Variants in KLHL32 observed in about 807,000 individuals in gnomAD.
KLHL32 encodes kelch-like protein 32.
Under a neutral mutation model 64.8 loss-of-function variants are expected in KLHL32, and 35 were observed. The ratio of observed to expected loss-of-function variants is 0.54; its 90% CI spans 0.41 to 0.72. KLHL32 has a LOEUF of 0.72. Ranked by LOEUF, KLHL32 falls within the 30% of genes least tolerant of loss-of-function variation. KLHL32 has a pLI of 0.00. For missense variants in KLHL32, 589 were observed against 768.5 expected (o/e 0.77, Z 2.76); for synonymous variants, 259 against 281.0 (o/e 0.92, Z 0.78).
intron 3 of KLHL32, among the ~76,000 whole-genome samples, chr6:96,997,380 C>T (rs916530192): frequency 6.6e-6 from 1 of 152,198 alleles, no homozygotes; most frequent in African/African-American, 2.4e-5. Flanking sequence ...AGAATTTATC[C>T]CCTAAAACAC....
intron 7 of KLHL32, among the ~76,000 whole-genome samples, chr6:97,116,585 A>G (rs1481670509): frequency 1.3e-5 from 2 of 152,212 alleles, no homozygotes; most frequent in African/African-American, 4.8e-5. Context: ...ATATTTTAAT[A>G]AATATTCCTT....
chr6:97,021,360 C>T (rs544350907), intron 3 of KLHL32, among the ~76,000 whole-genome samples: 1 of 150,802 alleles, frequency 6.6e-6, no homozygotes, highest in African/African-American at 2.5e-5. Context: ...CCAGGAGAGC[C>T]GATGATGTAG....
At chr6:97,027,858 C>T (rs75660924) in intron 3 of KLHL32, among the ~76,000 whole-genome samples, 4,908 of 152,196 alleles carry the variant, frequency 0.032, 239 homozygotes, top group African/African-American at 0.11. Flanking sequence ...AGATTAGATA[C>T]TATTTCCAGT....
At chr6:97,104,352 C>A (rs1379207935) in intron 6 of KLHL32, among the ~76,000 whole-genome samples, 3 of 152,110 alleles carry the variant, frequency 2.0e-5, no homozygotes, top group Non-Finnish European at 4.4e-5. Context: ...GTTGCAAGGG[C>A]TTTTCGCTTT....
intron 3 of KLHL32, among the ~76,000 whole-genome samples, chr6:96,984,223 G>C (rs1049694126): frequency 6.6e-6 from 1 of 152,220 alleles, no homozygotes; most frequent in Admixed American, 6.5e-5. Context: ...GTTCTAGTTT[G>C]ATTGCACTGT....
chr6:97,120,726 T>A (rs554158734), intron 7 of KLHL32, among the ~76,000 whole-genome samples: 8 of 152,250 alleles, frequency 5.3e-5, no homozygotes, highest in African/African-American at 1.7e-4. Context: ...GCGGCCATGA[T>A]GTGAGGAAGC....
chr6:96,981,433 A>AT lies in KLHL32; in HGVS notation c.204+5260dup, dbSNP rs200499204. ...TTCATTTCTGATTGCATTTATTTGGATTTTCTGTCTTTCTTTTATTAGTCT... is the reference window on the plus strand; with the variant it reads ...TTCATTTCTGATTGCATTTATTTGGATTTTTCTGTCTTTCTTTTATTAGTCT... On this transcript the variant is annotated intron_variant, in intron 3 of 10. Coordinates refer to ENST00000369261, the MANE Select transcript of KLHL32 (RefSeq NM_052904.4). 9.7e-3 allele frequency among the ~76,000 whole-genome samples: 1,458 copies of AT among 150,624 alleles called. 11 individuals are homozygous for AT. Among genetic ancestry groups the AT allele is most frequent in the Non-Finnish European group, 0.017 (1,127 of 67,606 alleles).
At chr6:96,940,430 G>A (rs550394691) in intron 1 of KLHL32, among the ~76,000 whole-genome samples, 147 of 152,294 alleles carry the variant, frequency 9.7e-4, no homozygotes, top group Non-Finnish European at 1.6e-3. Context: ...CAATGCAGTG[G>A]TGTGATTCAA....
chr6:97,079,871 A>G (rs1385335626), intron 5 of KLHL32, among the ~76,000 whole-genome samples: 1 of 152,220 alleles, frequency 6.6e-6, no homozygotes, highest in African/African-American at 2.4e-5. Context: ...TTAGAAAAAA[A>G]AAAGAGTAAG....
intron 6 of KLHL32, among the ~76,000 whole-genome samples, chr6:97,104,913 A>T (rs957637839): frequency 6.6e-6 from 1 of 152,224 alleles, no homozygotes; most frequent in African/African-American, 2.4e-5. Context: ...GAATGTAACT[A>T]TAAGATCTGT....
intron 3 of KLHL32, among the ~76,000 whole-genome samples, chr6:97,022,086 A>G (rs1782071267): frequency 1.3e-5 from 2 of 150,762 alleles, no homozygotes; most frequent in Admixed American, 1.3e-4. Flanking sequence ...TCCTTCTTCA[A>G]TCCTTGATGC....
upstream of KLHL32, among the ~76,000 whole-genome samples, chr6:96,920,598 CCTT>C (rs1385379519): frequency 1.3e-5 from 2 of 152,088 alleles, no homozygotes; most frequent in Non-Finnish European, 2.9e-5. Flanking sequence ...ACATCTCCCT[CCTT>C]CTCTTCCTCT....
intron 3 of KLHL32, among the ~76,000 whole-genome samples, chr6:96,976,851 G>A (rs796903071): frequency 2.0e-5 from 3 of 152,138 alleles, no homozygotes; most frequent in African/African-American, 7.2e-5. Context: ...TGCCCGCCTC[G>A]GCCTCCCAAA....
At chr6:96,996,309 G>A (rs959473881) in intron 3 of KLHL32, among the ~76,000 whole-genome samples, 12 of 152,104 alleles carry the variant, frequency 7.9e-5, no homozygotes, top group South Asian at 2.1e-4. Context: ...ATCTTTTTCC[G>A]TTAGAGGCTG....
intron 5 of KLHL32, among the ~76,000 whole-genome samples, chr6:97,067,774 C>T (rs140385712): frequency 1.1e-4 from 16 of 152,274 alleles, no homozygotes; most frequent in Admixed American, 2.0e-4. Flanking sequence ...TGCATTATTT[C>T]TCCCACAAAA....
intron 1 of KLHL32, among the ~76,000 whole-genome samples, chr6:96,932,568 C>CG (rs1022119746): frequency 7.6e-6 from 1 of 131,692 alleles, no homozygotes; most frequent in Non-Finnish European, 1.6e-5. Context: ...TCAATTTCCC[C>CG]CCCCCCCTTT....
At chr6:96,985,361 C>G (rs1347568750) in intron 3 of KLHL32, among the ~76,000 whole-genome samples, 1 of 152,086 alleles carries the variant, frequency 6.6e-6, no homozygotes, top group Non-Finnish European at 1.5e-5. Flanking sequence ...TGGAGTTGCT[C>G]TTCTCGAGGA....
the KLHL32 span, among the ~76,000 whole-genome samples, chr6:96,907,806 G>C: frequency 6.6e-6 from 1 of 152,208 alleles, no homozygotes; most frequent in Admixed American, 6.5e-5. Flanking sequence ...GTGTATAACA[G>C]CTTCCCATCC....
chr6:97,028,544 TC>T (rs1783058947), intron 3 of KLHL32, among the ~76,000 whole-genome samples: 1 of 152,194 alleles, frequency 6.6e-6, no homozygotes, highest in South Asian at 2.1e-4. Context: ...TAAATAAATT[TC>T]CTTTTTTCAT....
Sources: gnomAD v4.1 joint callset for allele counts (sites outside exome capture counted in the v4.1 genomes callset) on GRCh38, gnomAD v4.1.1 for gene constraint, MANE v1.5 for transcripts, NCBI Gene and HGNC (gene_info 2026-07-23, HGNC 2026-07-21) for gene names.